The following CYP27A1 variants were observed in gnomAD, a reference collection of about 807,000 sequenced individuals.
CYP27A1 encodes the protein sterol 26-hydroxylase, mitochondrial.
In CYP27A1, 46 loss-of-function variants were observed where a neutral mutation model predicts 58.2. The observed-to-expected ratio is 0.79, with a 90% confidence interval of 0.62 to 1.01. The LOEUF is 1.01. CYP27A1 is among the 50% of genes least tolerant of loss of function. CYP27A1 has a pLI of 0.00. For synonymous variants in CYP27A1, 274 were observed against 285.1 expected (o/e 0.96, Z 0.39); for missense variants, 704 against 687.0 (o/e 1.02, Z -0.28).
intron 8 of CYP27A1, 64 bp from the exon 9 acceptor site, chr2:218,814,847 G>A (rs1334807199): frequency 1.2e-6 from 2 of 1,613,976 alleles, no homozygotes; most frequent in Non-Finnish European, 1.7e-6. Flanking sequence ...GTAGGAGTGT[G>A]CAGAGCGGGG....
At chr2:218,784,576 A>C (rs1943425258) in intron 1 of CYP27A1, among the ~76,000 whole-genome samples, 2 of 152,272 alleles carry the variant, frequency 1.3e-5, no homozygotes, top group South Asian at 4.1e-4. Flanking sequence ...AAAGGAAATG[A>C]AAATGAGACA....
chr2:218,796,543 G>A (rs920145015), intron 1 of CYP27A1, among the ~76,000 whole-genome samples: 3 of 151,454 alleles, frequency 2.0e-5, no homozygotes, highest in Admixed American at 1.3e-4. Flanking sequence ...GTAGTGAGCC[G>A]AGATCACACC....
chr2:218,789,501 G>A (rs1024435658), intron 1 of CYP27A1, among the ~76,000 whole-genome samples: 1 of 152,190 alleles, frequency 6.6e-6, no homozygotes, highest in African/African-American at 2.4e-5. Context: ...GAAACAGCCG[G>A]ATTGATTACA....
rs35745741 is a variant in CYP27A1 at position 218,809,440 on chromosome 2, C to A, written c.256-137C>A. 16 of 661,908 alleles carry A rather than the reference C, an allele frequency of 2.4e-5. No homozygotes were observed. The African/African-American group carries it at 4.0e-4, about 17-fold the overall frequency. The allele number at this position is 661,908 out of a possible 1,614,324, so 41.0% of individuals were successfully genotyped here. A position where few individuals can be genotyped will look rare whatever the true frequency, so the allele number is the denominator to read the frequency against. On this transcript the variant is annotated intron_variant, in intron 1 of 8. Coordinates refer to ENST00000258415, the MANE Select transcript of CYP27A1 (RefSeq NM_000784.4). ...CCTGGTGCCTACATCATACACAATGCCCTTTTTTTTTTTTTTTTTTTTTTG... is the reference window on the plus strand; with the variant it reads ...CCTGGTGCCTACATCATACACAATGACCTTTTTTTTTTTTTTTTTTTTTTG...
Position 218,814,433 on chromosome 2 carries a change from T to G in CYP27A1, c.1238T>G (p.Val413Gly), listed in dbSNP as rs587778783. The G allele has an allele frequency of 1.2e-6, 2 of 1,614,094 alleles. No individual in the cohort carries two copies. Among genetic ancestry groups the G allele is most frequent in the Non-Finnish European group, 8.5e-7 (1 of 1,180,042 alleles). ...CGGATCATAGAAAAGGAAATTGAAG[T>G]TGATGGCTTCCTCTTCCCCAAGAAC... ...NSRIIEKEIEVDGFLFPKNTQ... is the reference protein window; with the variant it reads ...NSRIIEKEIEGDGFLFPKNTQ... Residue 413 changes from valine (V) to glycine (G), a missense_variant, in exon 7 of 9, where the codon GTT (valine) becomes GGT (glycine). Coordinates refer to ENST00000258415, the MANE Select transcript of CYP27A1 (RefSeq NM_000784.4).
chr2:218,795,804 T>A (rs558729245), intron 1 of CYP27A1, among the ~76,000 whole-genome samples: 53 of 152,354 alleles, frequency 3.5e-4, no homozygotes, highest in African/African-American at 1.2e-3. Context: ...ATAATAGGAC[T>A]GAGTTGTTTG....
chr2:218,798,999 A>G (rs551345643), intron 1 of CYP27A1, among the ~76,000 whole-genome samples: 2 of 152,344 alleles, frequency 1.3e-5, no homozygotes, highest in South Asian at 4.1e-4. Flanking sequence ...GCCTTGTGCA[A>G]AAAGACTGAA....
intron 1 of CYP27A1, among the ~76,000 whole-genome samples, chr2:218,790,270 G>C (rs1943479405): frequency 6.6e-6 from 1 of 152,154 alleles, no homozygotes; most frequent in Non-Finnish European, 1.5e-5. Flanking sequence ...CAGTTGAAGA[G>C]AGACCATTTG....
chr2:218,800,073 C>T (rs562814363), intron 1 of CYP27A1, among the ~76,000 whole-genome samples: 1 of 152,218 alleles, frequency 6.6e-6, no homozygotes, highest in Admixed American at 6.5e-5. Context: ...CTGAGAAACT[C>T]CTGCTAGACC....
At chr2:218,809,548 A>G (rs1943688934) in intron 1 of CYP27A1, 29 bp from the exon 2 acceptor site, 5 of 1,507,566 alleles carry the variant, frequency 3.3e-6, no homozygotes, top group Admixed American at 3.7e-5. Context: ...AGCTTGGCCC[A>G]GTTATTCAGT....
At chr2:218,799,772 TGA>T (rs2105975111) in intron 1 of CYP27A1, among the ~76,000 whole-genome samples, 1 of 152,138 alleles carries the variant, frequency 6.6e-6, no homozygotes, top group South Asian at 2.1e-4. Flanking sequence ...CTGTCCAATC[TGA>T]GAGTTTCTTC....
intron 1 of CYP27A1, among the ~76,000 whole-genome samples, chr2:218,793,758 A>T (rs1943519007): frequency 6.9e-6 from 1 of 145,978 alleles, no homozygotes; most frequent in Non-Finnish European, 1.5e-5. Context: ...TTTTTCACCC[A>T]GGCTGGAGTG....
At position 218,813,170 on chromosome 2, in the gene CYP27A1, T is replaced by A; in HGVS notation, c.1017+74T>A. On this transcript the variant is annotated intron_variant, in intron 5 of 8. Coordinates refer to ENST00000258415, the MANE Select transcript of CYP27A1 (RefSeq NM_000784.4). ...AACCAGTTCCCTATTATCCCTCACC[T>A]GATCCCGACCTTCATCCCTCCAAGG... 2.9e-6 allele frequency: 4 copies of A among 1,386,280 alleles called. 1 individual carries two copies. The South Asian group carries it at 4.1e-5, about 14-fold the overall frequency. 85.9% of individuals were successfully genotyped at this position (1,386,280 alleles called of 1,614,324 possible). A position where few individuals can be genotyped will look rare whatever the true frequency, so the allele number is the denominator to read the frequency against.
chr2:218,812,723 ATGG>A lies in CYP27A1; in HGVS notation c.820_822del (p.Gly274del), dbSNP rs1559392708. 1 of 1,614,042 alleles carries A rather than the reference ATGG, an allele frequency of 6.2e-7. No homozygotes were observed. Among genetic ancestry groups the A allele is most frequent in the Admixed American group, 1.7e-5 (1 of 60,012 alleles). On this transcript the variant is annotated inframe_deletion, in exon 4 of 9. Transcript: ENST00000258415. ...CTGCCTTTCTGGAAGCGATACCTGG[ATGG>A]TTGGAATGCCATCTTTTCCTTTGGT...
intron 1 of CYP27A1, among the ~76,000 whole-genome samples, chr2:218,795,491 A>G (rs1249500079): frequency 6.6e-6 from 1 of 152,196 alleles, no homozygotes; most frequent in African/African-American, 2.4e-5. Context: ...GGTTTTGGTT[A>G]GCTCCCTTGG....
intron 1 of CYP27A1, among the ~76,000 whole-genome samples, chr2:218,785,450 C>A (rs1397132132): frequency 6.6e-6 from 1 of 151,944 alleles, no homozygotes; most frequent in Non-Finnish European, 1.5e-5. Flanking sequence ...CTGTTAACTT[C>A]TTCTGCTTGG....
chr2:218,785,059 A>G (rs1292620355), intron 1 of CYP27A1, among the ~76,000 whole-genome samples: 2 of 152,116 alleles, frequency 1.3e-5, no homozygotes, highest in African/African-American at 4.8e-5. Context: ...TAATTATGCA[A>G]CTCACCATAA....
At chr2:218,791,894 C>T (rs983925529) in intron 1 of CYP27A1, among the ~76,000 whole-genome samples, 1 of 152,144 alleles carries the variant, frequency 6.6e-6, no homozygotes, top group African/African-American at 2.4e-5. Flanking sequence ...AGCTTTTATA[C>T]AACCAGACGA....
chr2:218,804,029 G>A (rs6436088), intron 1 of CYP27A1, among the ~76,000 whole-genome samples: 78,013 of 151,680 alleles, frequency 0.51, 20,766 homozygotes, highest in African/African-American at 0.61. Context: ...CACCATGCCT[G>A]GCCAAAAGTT....
Sources: gnomAD v4.1 joint callset for allele counts (sites outside exome capture counted in the v4.1 genomes callset) on GRCh38, gnomAD v4.1.1 for gene constraint, MANE v1.5 for transcripts, NCBI Gene and HGNC (gene_info 2026-07-23, HGNC 2026-07-21) for gene names.